COL22A1: variants seen among roughly 807,000 people sequenced by gnomAD.
COL22A1 encodes the protein collagen alpha-1(XXII) chain.
COL22A1 carries 221 observed loss-of-function variants against 248.9 expected under a neutral mutation model. That is an observed-to-expected ratio of 0.89 (90% confidence interval 0.80 to 0.99). The LOEUF (loss-of-function observed/expected upper bound fraction) is 0.99, where lower values mean the gene tolerates loss of function less well. Ranked by LOEUF, COL22A1 falls within the 50% of genes least tolerant of loss-of-function variation. The pLI is 0.00. For missense variants in COL22A1, 2,240 were observed against 2,179.0 expected (o/e 1.03, Z -0.56); for synonymous variants, 891 against 793.4 (o/e 1.12, Z -2.07).
chr8:138,696,037 G>A (rs933381024), intron 32 of COL22A1, among the ~76,000 whole-genome samples: 1 of 152,180 alleles, frequency 6.6e-6, no homozygotes, highest in African/African-American at 2.4e-5. Flanking sequence ...GACTTTTGCA[G>A]TTTCCATATC....
intron 30 of COL22A1, among the ~76,000 whole-genome samples, chr8:138,705,629 A>G (rs1828363110): frequency 6.6e-6 from 1 of 152,204 alleles, no homozygotes. Context: ...CTCTTGAAGG[A>G]AGCACTAAAC....
At chr8:138,611,605 T>C (rs928171203) in intron 56 of COL22A1, among the ~76,000 whole-genome samples, 2 of 152,224 alleles carry the variant, frequency 1.3e-5, no homozygotes, top group Non-Finnish European at 2.9e-5. Context: ...TACACATCTG[T>C]TTATGTGCTG....
At chr8:138,649,831 T>G in intron 45 of COL22A1, 53 bp from the exon 46 acceptor site, 1 of 1,174,810 alleles carries the variant, frequency 8.5e-7, no homozygotes, top group Non-Finnish European at 1.2e-6. Flanking sequence ...GCAAATACAG[T>G]TTCAAAGCAA....
intron 10 of COL22A1, among the ~76,000 whole-genome samples, chr8:138,807,411 C>G (rs1345772800): frequency 6.6e-6 from 1 of 152,222 alleles, no homozygotes; most frequent in Non-Finnish European, 1.5e-5. Flanking sequence ...TTTAATGAAT[C>G]TTAAAAGCCC....
At chr8:138,625,891 C>CAT (rs1461316650) in intron 51 of COL22A1, among the ~76,000 whole-genome samples, 12 of 151,980 alleles carry the variant, frequency 7.9e-5, no homozygotes, top group African/African-American at 2.4e-5. Flanking sequence ...ACAATATAAA[C>CAT]ATATATATAC....
At chr8:138,866,574 T>C (rs577668524) in intron 3 of COL22A1, among the ~76,000 whole-genome samples, 1 of 152,346 alleles carries the variant, frequency 6.6e-6, no homozygotes, top group Non-Finnish European at 1.5e-5. Context: ...CTCCATGAGC[T>C]GAAGCCTTGT....
chr8:138,910,476 G>A (rs566782895), intron 1 of COL22A1, among the ~76,000 whole-genome samples: 5 of 152,224 alleles, frequency 3.3e-5, no homozygotes, highest in South Asian at 2.1e-4. Flanking sequence ...ATGCAGTTCC[G>A]GCAAGTCATT....
chr8:138,617,408 C>T (rs1360310249), intron 53 of COL22A1, among the ~76,000 whole-genome samples: 1 of 152,126 alleles, frequency 6.6e-6, no homozygotes, highest in East Asian at 1.9e-4. Context: ...ATTGCTGGTC[C>T]TACCAACACC....
intron 30 of COL22A1, among the ~76,000 whole-genome samples, chr8:138,714,502 G>A (rs764184375): frequency 2.0e-5 from 3 of 152,122 alleles, no homozygotes; most frequent in African/African-American, 4.8e-5. Flanking sequence ...TGACTGCCAG[G>A]CTCCTTCTAT....
rs545723557 is a variant in COL22A1, at chr8:138,598,683, G to A, written c.4365+36C>T. On this transcript the variant is annotated intron_variant, in intron 61 of 64. Transcript: ENST00000303045. ...TCCCTGGCTCCCCCTTAGGCCCCGAGGAGCCCCGAGTCCAAAGCCATATTA... is the reference window on the plus strand; with the variant it reads ...TCCCTGGCTCCCCCTTAGGCCCCGAAGAGCCCCGAGTCCAAAGCCATATTA... 16 of 1,585,134 alleles carry A rather than the reference G, an allele frequency of 1.0e-5. No homozygotes were observed. In the Admixed American group the frequency reaches 2.9e-4, roughly 29 times the overall value.
At chr8:138,865,849 G>T (rs189712249) in intron 3 of COL22A1, among the ~76,000 whole-genome samples, 1 of 151,694 alleles carries the variant, frequency 6.6e-6, no homozygotes, top group East Asian at 1.9e-4. Context: ...ATGCCTGTGA[G>T]TGTACGTGTG....
chr8:138,700,071 C>T, intron 32 of COL22A1, 41 bp downstream of exon 32: 1 of 1,604,768 alleles, frequency 6.2e-7, no homozygotes, highest in African/African-American at 1.3e-5. Flanking sequence ...GCCCTCCAGG[C>T]CGAGGCACAC....
chr8:138,805,317 G>GC (rs1337482188), intron 10 of COL22A1, among the ~76,000 whole-genome samples: 1 of 96,184 alleles, frequency 1.0e-5, no homozygotes, highest in Admixed American at 9.7e-5. Flanking sequence ...TGTTTGGTGT[G>GC]TGTGTGATGG....
chr8:138,891,821 C>T (rs918626741), intron 1 of COL22A1, among the ~76,000 whole-genome samples: 2 of 152,154 alleles, frequency 1.3e-5, no homozygotes, highest in Non-Finnish European at 2.9e-5. Flanking sequence ...ATCCAGTTTA[C>T]AAGAAGGAGA....
intron 3 of COL22A1, among the ~76,000 whole-genome samples, chr8:138,873,042 G>C (rs1823458801): frequency 6.6e-6 from 1 of 152,198 alleles, no homozygotes; most frequent in South Asian, 2.1e-4. Context: ...GGTAGGGTTT[G>C]ATAATTAGAT....
rs149433798 is a variant in COL22A1 at position 138,691,027 on chromosome 8, G to A, written c.2755-153C>T. Reference sequence around the variant, plus strand: ...CTCTGCAGACGTGAACCTCCTCTCCGGAGGGCTGTGGTGTCCCAAGCACCA... The same window carrying A: ...CTCTGCAGACGTGAACCTCCTCTCCAGAGGGCTGTGGTGTCCCAAGCACCA... On this transcript the variant is annotated intron_variant, in intron 35 of 64. Coordinates refer to ENST00000303045, the MANE Select transcript of COL22A1 (RefSeq NM_152888.3). Among the ~76,000 whole-genome samples, 198 of 152,288 alleles carry A rather than the reference G, an allele frequency of 1.3e-3. 4 individuals are homozygous for A. In the South Asian group the frequency reaches 0.034, roughly 26 times the overall value.
rs542746180 is a variant in COL22A1, at chr8:138,776,945, C to A, written c.1759-935G>T. On this transcript the variant is annotated intron_variant, in intron 15 of 64. Coordinates refer to ENST00000303045, the MANE Select transcript of COL22A1 (RefSeq NM_152888.3). The stretch of plus-strand genomic sequence containing the variant: ...AGCAGAAGGCCTGGCAGTGCATGTG[C>A]CTGCTCTTCCCAGGTGCACAGATTA... Among the ~76,000 whole-genome samples, 8 of 152,324 alleles carry A rather than the reference C, an allele frequency of 5.3e-5. No homozygotes were observed. The East Asian group carries it at 1.5e-3, about 29-fold the overall frequency.
intron 50 of COL22A1, among the ~76,000 whole-genome samples, 189 bp downstream of exon 50, chr8:138,630,506 A>T (rs1820615865): frequency 6.6e-6 from 1 of 152,240 alleles, no homozygotes; most frequent in South Asian, 2.1e-4. Context: ...CTTTAGCAGC[A>T]AAGTAAACAG....
intron 10 of COL22A1, among the ~76,000 whole-genome samples, chr8:138,804,413 CT>C (rs1429388362): frequency 6.6e-6 from 1 of 152,216 alleles, no homozygotes; most frequent in African/African-American, 2.4e-5. Flanking sequence ...TTCTGCTCTC[CT>C]TGTGGGGCCC....
Sources: gnomAD v4.1 joint callset for allele counts (sites outside exome capture counted in the v4.1 genomes callset) on GRCh38, gnomAD v4.1.1 for gene constraint, MANE v1.5 for transcripts, NCBI Gene and HGNC (gene_info 2026-07-23, HGNC 2026-07-21) for gene names.